EFCAB7: variants seen among roughly 807,000 people sequenced by gnomAD.
The protein encoded by EFCAB7 is EF-hand calcium-binding domain-containing protein 7.
Under a neutral mutation model 77.1 loss-of-function variants are expected in EFCAB7, and 66 were observed. The observed-to-expected ratio is 0.86, with a 90% CI of 0.70 to 1.05. The LOEUF is 1.05. Among genes scored for constraint, EFCAB7 ranks in the 50% least tolerant of loss-of-function variants. EFCAB7 has a pLI of 0.00. For synonymous variants in EFCAB7, 225 were observed against 243.3 expected (o/e 0.92, Z 0.70); for missense variants, 638 against 730.5 (o/e 0.87, Z 1.46).
chr1:63,565,841 T>C (rs1647164607), intron 11 of EFCAB7, among the ~76,000 whole-genome samples: 1 of 152,016 alleles, frequency 6.6e-6, no homozygotes, highest in Non-Finnish European at 1.5e-5. Context: ...TATTAAAAAG[T>C]CAAAAAATAA....
chr1:63,532,433 C>T (rs971534853), intron 3 of EFCAB7, among the ~76,000 whole-genome samples: 3 of 151,996 alleles, frequency 2.0e-5, no homozygotes, highest in Non-Finnish European at 2.9e-5. Flanking sequence ...CTATACTATT[C>T]AATTGTTAGT....
chr1:63,533,620 A>T lies in EFCAB7; in HGVS notation c.653A>T (p.Lys218Ile). 1 of 1,581,924 alleles carries T rather than the reference A, an allele frequency of 6.3e-7. No individual in the cohort carries two copies. The highest frequency in any genetic ancestry group is 8.5e-7 in the Non-Finnish European group (1 of 1,169,650). ...AAACCATCACCTAAAATCACAAGAA[A>T]AACTGATCCAGAAACATTCTTAAAT... The part of the protein sequence containing the change: ...VPKPSPKITR[K>I]TDPETFLNKG... Residue 218 changes from lysine (K) to isoleucine (I), a missense_variant, in exon 5 of 14, where the codon AAA becomes ATA. By Grantham distance (102) the Lys-to-Ile change is moderately radical. Coordinates refer to ENST00000371088, the MANE Select transcript of EFCAB7 (RefSeq NM_032437.4).
intron 6 of EFCAB7, among the ~76,000 whole-genome samples, chr1:63,544,215 C>T (rs1646866862): frequency 6.6e-6 from 1 of 151,954 alleles, no homozygotes; most frequent in Non-Finnish European, 1.5e-5. Flanking sequence ...AGTGATCCAC[C>T]CGCCTTGGCC....
chr1:63,545,858 A>G (rs1207039422), intron 6 of EFCAB7, 58 bp from the exon 7 acceptor site: 36 of 1,421,902 alleles, frequency 2.5e-5, no homozygotes, highest in Non-Finnish European at 3.3e-5. Flanking sequence ...CCTCATTACT[A>G]TGCATACTGG....
intron 6 of EFCAB7, among the ~76,000 whole-genome samples, chr1:63,535,052 C>G (rs1285646481): frequency 6.6e-6 from 1 of 152,004 alleles, no homozygotes; most frequent in Non-Finnish European, 1.5e-5. Context: ...TATTACTTTC[C>G]ACCAATGGAA....
intron 8 of EFCAB7, 187 bp downstream of exon 8, chr1:63,552,021 A>G (rs1007321379): frequency 3.3e-4 from 63 of 190,704 alleles, no homozygotes; most frequent in African/African-American, 1.3e-3. Flanking sequence ...TTAAATAATT[A>G]TAAGGATTTT....
chr1:63,524,303 A>C (rs1646538615), intron 1 of EFCAB7, among the ~76,000 whole-genome samples: 1 of 152,220 alleles, frequency 6.6e-6, no homozygotes, highest in Non-Finnish European at 1.5e-5. Context: ...TAGAACTCTG[A>C]TGCTTAATTA....
At chr1:63,547,375 A>C (rs936855954) in intron 7 of EFCAB7, 1 of 152,244 alleles carries the variant, frequency 6.6e-6, no homozygotes, top group Non-Finnish European at 1.5e-5. Context: ...TGAGGGAAAC[A>C]ATACATAATA....
At chr1:63,578,287 A>G in the EFCAB7 span, among the ~76,000 whole-genome samples, 1 of 152,222 alleles carries the variant, frequency 6.6e-6, no homozygotes, top group Non-Finnish European at 1.5e-5. Context: ...CAATAGATCA[A>G]TCATATATAA....
At chr1:63,573,490 G>A (rs1216326334), downstream of EFCAB7, among the ~76,000 whole-genome samples, 1 of 152,188 alleles carries the variant, frequency 6.6e-6, no homozygotes, top group Non-Finnish European at 1.5e-5. Context: ...AGCCCAGCCA[G>A]CAAAGATTAT....
chr1:63,549,545 C>T (rs762850448), intron 7 of EFCAB7: 27 of 452,766 alleles, frequency 6.0e-5, no homozygotes, highest in South Asian at 4.1e-4. Context: ...TGTTATTTCT[C>T]GTTGAATACT....
intron 2 of EFCAB7, among the ~76,000 whole-genome samples, chr1:63,526,582 T>G (rs569088128): frequency 2.2e-4 from 34 of 152,356 alleles, no homozygotes; most frequent in Non-Finnish European, 4.6e-4. Flanking sequence ...AGATTAAAAT[T>G]TATTTGATGT....
chr1:63,570,918 C>A, intron 12 of EFCAB7, 103 bp from the exon 13 acceptor site: 1 of 694,100 alleles, frequency 1.4e-6, no homozygotes, highest in Non-Finnish European at 2.3e-6. Context: ...TTGTAGTGCA[C>A]TATATGATGT....
chr1:63,572,186 C>T (rs1401919248), intron 13 of EFCAB7, among the ~76,000 whole-genome samples: 1 of 152,164 alleles, frequency 6.6e-6, no homozygotes, highest in Non-Finnish European at 1.5e-5. Flanking sequence ...ATATTTTCTC[C>T]TCTTTCCACC....
In EFCAB7 at chr1:63,561,784, G is replaced by A. The variant is rs750230838; in HGVS notation, c.1424G>A (p.Arg475Gln). The A allele has an allele frequency of 4.4e-6, 7 of 1,609,052 alleles. No homozygotes were observed. The highest frequency in any genetic ancestry group is 3.3e-5 in the Admixed American group (2 of 59,750). ...MDLNLMEANDREGDPCDLWVT... is the reference protein window; with the variant it reads ...MDLNLMEANDQEGDPCDLWVT... ...TTGAATCTAATGGAAGCTAATGATCGAGAAGGAGATCCTTGTGACCTTTGG... is the reference window on the plus strand; with the variant it reads ...TTGAATCTAATGGAAGCTAATGATCAAGAAGGAGATCCTTGTGACCTTTGG... Residue 475 changes from arginine (R) to glutamine (Q), a missense_variant, in exon 11 of 14, where the codon CGA becomes CAA. Physicochemically the swap from Arg to Gln is conservative, Grantham distance 43 (BLOSUM62 1). Transcript: ENST00000371088.
At chr1:63,549,625 C>T (rs757292804) in intron 7 of EFCAB7, 16 of 395,132 alleles carry the variant, frequency 4.0e-5, no homozygotes, top group Admixed American at 8.0e-5. Flanking sequence ...TTAGATATAT[C>T]GCTTGCATAT....
intron 8 of EFCAB7, among the ~76,000 whole-genome samples, chr1:63,553,431 C>T (rs991485836): frequency 1.3e-5 from 2 of 152,058 alleles, no homozygotes; most frequent in Admixed American, 6.5e-5. Context: ...CCTCCGCCTC[C>T]CGGGTTCAAG....
At chr1:63,544,005 T>C (rs1646862686) in intron 6 of EFCAB7, among the ~76,000 whole-genome samples, 1 of 149,774 alleles carries the variant, frequency 6.7e-6, no homozygotes, top group Admixed American at 6.7e-5. Flanking sequence ...AGGCTCACTC[T>C]GTCTCCCAGG....
At chr1:63,541,572 GT>G (rs1224758579) in intron 6 of EFCAB7, among the ~76,000 whole-genome samples, 7 of 147,756 alleles carry the variant, frequency 4.7e-5, no homozygotes, top group East Asian at 2.0e-4. Flanking sequence ...CAATGTTTTT[GT>G]TTTTTTTTTG....
Sources: gnomAD v4.1 joint callset for allele counts (sites outside exome capture counted in the v4.1 genomes callset) on GRCh38, gnomAD v4.1.1 for gene constraint, MANE v1.5 for transcripts, NCBI Gene and HGNC (gene_info 2026-07-23, HGNC 2026-07-21) for gene names.